The following ITGA6 variants were observed in gnomAD, a reference collection of about 807,000 sequenced individuals.
ITGA6 encodes the protein integrin alpha-6.
A neutral mutation model predicts 133.6 loss-of-function variants in ITGA6; 63 were observed. That is an observed-to-expected ratio of 0.47 (90% CI 0.38 to 0.58). ITGA6 has a LOEUF of 0.58. ITGA6 is among the 20% of genes least tolerant of loss of function. The probability of loss-of-function intolerance (pLI) is 0.00; values close to 1 mark genes in which losing one functional copy is unlikely to be tolerated. For missense variants in ITGA6, 1,068 were observed against 1,309.4 expected (o/e 0.82, Z 2.85); for synonymous variants, 434 against 482.0 (o/e 0.90, Z 1.30).
intron 2 of ITGA6, among the ~76,000 whole-genome samples, chr2:172,466,225 G>A (rs972032574): frequency 2.6e-5 from 4 of 152,190 alleles, no homozygotes; most frequent in Non-Finnish European, 5.9e-5. Flanking sequence ...AGCAATTAGT[G>A]TACTGAGAAG....
At chr2:172,433,720 G>A (rs983109226) in intron 1 of ITGA6, among the ~76,000 whole-genome samples, 5 of 152,110 alleles carry the variant, frequency 3.3e-5, no homozygotes, top group Admixed American at 2.6e-4. Context: ...TTTTCATCAC[G>A]TTTAAAGGTT....
chr2:172,428,777 C>G lies in ITGA6; in HGVS notation c.182+807C>G, dbSNP rs894268920. Among the ~76,000 whole-genome samples the G allele has an allele frequency of 3.3e-5, 5 of 152,164 alleles. No individual in the cohort carries two copies. The East Asian group carries it at 9.6e-4, about 29-fold the overall frequency. On this transcript the variant is annotated intron_variant, in intron 1 of 25. Coordinates refer to ENST00000684293, the MANE Select transcript of ITGA6 (RefSeq NM_000210.4). ...ACAAGGTTTGTAAGGGACAACCCCC[C>G]ACCGTAGCGGTAAACCTCCCAGGAG...
chr2:172,437,394 T>G (rs1004540808), intron 1 of ITGA6, among the ~76,000 whole-genome samples: 2 of 152,148 alleles, frequency 1.3e-5, no homozygotes, highest in Non-Finnish European at 2.9e-5. Flanking sequence ...GGATATGTCT[T>G]GAAAGTAGAG....
At chr2:172,467,039 G>C (rs534375934) in intron 2 of ITGA6, among the ~76,000 whole-genome samples, 105 of 152,240 alleles carry the variant, frequency 6.9e-4, no homozygotes, top group African/African-American at 2.3e-3. Context: ...AACATTTAAT[G>C]CTGTTAAATA....
intron 1 of ITGA6, among the ~76,000 whole-genome samples, chr2:172,430,962 G>A (rs1481512353): frequency 1.3e-5 from 2 of 152,102 alleles, no homozygotes; most frequent in African/African-American, 2.4e-5. Flanking sequence ...GGGAAGAGAT[G>A]GATCTATATA....
intron 1 of ITGA6, among the ~76,000 whole-genome samples, chr2:172,441,156 A>G (rs369527482): frequency 6.6e-5 from 10 of 152,286 alleles, no homozygotes; most frequent in East Asian, 5.8e-4. Context: ...CATCCTGTTG[A>G]GTTTAATAGG....
At chr2:172,474,009 AAT>A in intron 5 of ITGA6, 44 bp from the exon 6 acceptor site, 1 of 1,410,278 alleles carries the variant, frequency 7.1e-7, no homozygotes, top group Non-Finnish European at 1.0e-6. Context: ...ATAGGCCTAA[AAT>A]ATATGGATTG....
chr2:172,476,134 T>C (rs943727956), intron 8 of ITGA6, among the ~76,000 whole-genome samples: 25 of 152,180 alleles, frequency 1.6e-4, no homozygotes, highest in African/African-American at 5.8e-4. Flanking sequence ...AATGGCCTGA[T>C]TGACTTAATA....
chr2:172,445,163 T>C (rs1158498743), intron 1 of ITGA6, among the ~76,000 whole-genome samples: 1 of 151,484 alleles, frequency 6.6e-6, no homozygotes, highest in African/African-American at 2.4e-5. Context: ...AGACAGGGTT[T>C]TGCTATGTTG....
chr2:172,445,271 T>A (rs1684710531), intron 1 of ITGA6, among the ~76,000 whole-genome samples: 3 of 151,682 alleles, frequency 2.0e-5, no homozygotes, highest in African/African-American at 7.3e-5. Flanking sequence ...CGGCTGGTAT[T>A]TATACTTTGT....
At chr2:172,468,993 G>T in intron 3 of ITGA6, 132 bp from the exon 4 acceptor site, 1 of 968,710 alleles carries the variant, frequency 1.0e-6, no homozygotes, top group Non-Finnish European at 1.6e-6. Context: ...CTGGGATCCG[G>T]TCCCAAGATG....
intron 1 of ITGA6, chr2:172,465,293 T>A (rs1685604829): frequency 1.7e-6 from 1 of 573,746 alleles, no homozygotes; most frequent in African/African-American, 1.9e-5. Flanking sequence ...GCTGATACTA[T>A]GAGAGACAGG....
Position 172,428,045 on chromosome 2 carries a change from T to A in ITGA6, c.182+75T>A, listed in dbSNP as rs1683933170. 5 of 1,488,206 alleles carry A rather than the reference T, an allele frequency of 3.4e-6. No homozygotes were observed. In the Admixed American group the frequency reaches 1.0e-4, roughly 31 times the overall value. The allele number at this position is 1,488,206 out of a possible 1,614,324, so 92.2% of individuals were successfully genotyped here. Reference sequence around the variant, plus strand: ...GAGTTGAGGCGAGGGCGCGCCCTGTTCCCGCCGGCCCCGGGGAGTAGTTGG... The same window carrying A: ...GAGTTGAGGCGAGGGCGCGCCCTGTACCCGCCGGCCCCGGGGAGTAGTTGG... On this transcript the variant is annotated intron_variant, in intron 1 of 25. Transcript: ENST00000684293.
At chr2:172,439,611 G>A (rs564771501) in intron 1 of ITGA6, among the ~76,000 whole-genome samples, 22 of 151,844 alleles carry the variant, frequency 1.4e-4, no homozygotes, top group African/African-American at 4.1e-4. Flanking sequence ...ACAAGTCTTC[G>A]AAGACATTGC....
At chr2:172,446,573 TCCAAGTGTGTA>T (rs1559120069) in intron 1 of ITGA6, among the ~76,000 whole-genome samples, 1 of 152,246 alleles carries the variant, frequency 6.6e-6, no homozygotes, top group Non-Finnish European at 1.5e-5. Context: ...GAGCTCACAA[TCCAAGTGTGTA>T]CAGTTTCCTA....
chr2:172,457,832 A>G lies in ITGA6; in HGVS notation c.183-7707A>G, dbSNP rs116648258. ...TTTGACTTGTGGTTCCAGATGGCAA[A>G]CTAGGTATATGGTTTTGCTTCCTGG... On this transcript the variant is annotated intron_variant, in intron 1 of 25. Transcript: ENST00000684293. Among the ~76,000 whole-genome samples the G allele has an allele frequency of 2.2e-3, 329 of 152,270 alleles. 5 individuals carry two copies. Among genetic ancestry groups the G allele is most frequent in the African/African-American group, 7.7e-3 (318 of 41,560 alleles).
intron 3 of ITGA6, among the ~76,000 whole-genome samples, chr2:172,468,128 C>A (rs544867321): frequency 6.6e-6 from 1 of 152,180 alleles, no homozygotes; most frequent in South Asian, 2.1e-4. Context: ...AAAAACAAAA[C>A]AAAACTAGAC....
intron 11 of ITGA6, among the ~76,000 whole-genome samples, chr2:172,482,712 T>A (rs1377679626): frequency 1.3e-5 from 2 of 152,178 alleles, no homozygotes; most frequent in East Asian, 3.9e-4. Flanking sequence ...ATGGATGATG[T>A]CAAGGCTGCA....
At chr2:172,461,751 G>T (rs565373350) in intron 1 of ITGA6, among the ~76,000 whole-genome samples, 1 of 152,308 alleles carries the variant, frequency 6.6e-6, no homozygotes, top group Non-Finnish European at 1.5e-5. Context: ...TGGAATTTGA[G>T]CATAAATTGG....
Sources: allele counts gnomAD v4.1 joint callset (sites outside exome capture counted in the v4.1 genomes callset), GRCh38; gene constraint gnomAD v4.1.1; transcripts MANE v1.5; gene names NCBI Gene and HGNC (gene_info 2026-07-23, HGNC 2026-07-21).